UNC5D: variants seen among roughly 807,000 people sequenced by gnomAD.
UNC5D encodes unc-5 netrin receptor D.
A neutral mutation model predicts 105.4 loss-of-function variants in UNC5D; 39 were observed. The ratio of observed to expected loss-of-function variants is 0.37; its 90% CI spans 0.29 to 0.48. The LOEUF is 0.48. Ranked by LOEUF, UNC5D falls within the 20% of genes least tolerant of loss-of-function variation. The pLI, the probability that UNC5D is intolerant of heterozygous loss-of-function variation, is 0.98. For synonymous variants in UNC5D, 452 were observed against 450.4 expected, an observed-to-expected ratio of 1.00 and a Z score of -0.04; for missense variants, 991 against 1,202.4, an observed-to-expected ratio of 0.82 and a Z score of 2.60.
chr8:35,786,820 GGAGCGAGGTCAGCATGGTGGCCT>G (rs1802766463), intron 16 of UNC5D, among the ~76,000 whole-genome samples: 1 of 152,114 alleles, frequency 6.6e-6, no homozygotes, highest in Non-Finnish European at 1.5e-5. Context: ...AGACAGCAGA[GGAGCGAGGTCAGCATGGTGGCCT>G]GCAGGCCACA....
chr8:35,430,398 G>T (rs1398693095), intron 1 of UNC5D, among the ~76,000 whole-genome samples: 2 of 152,072 alleles, frequency 1.3e-5, no homozygotes, highest in African/African-American at 2.4e-5. Flanking sequence ...TGTACCCTTT[G>T]TAATATCCTT....
intron 1 of UNC5D, among the ~76,000 whole-genome samples, chr8:35,457,593 G>C (rs1037233901): frequency 6.6e-6 from 1 of 152,138 alleles, no homozygotes; most frequent in Non-Finnish European, 1.5e-5. Context: ...TTTGATGTGG[G>C]TGCTACCTGG....
intron 2 of UNC5D, among the ~76,000 whole-genome samples, chr8:35,559,598 T>G (rs1049926075): frequency 1.3e-5 from 2 of 152,182 alleles, no homozygotes; most frequent in African/African-American, 2.4e-5. Context: ...CGGGCTGGGG[T>G]TGGCATGGTA....
chr8:35,493,196 T>C (rs563469235), intron 1 of UNC5D, among the ~76,000 whole-genome samples: 119 of 148,634 alleles, frequency 8.0e-4, no homozygotes, highest in Admixed American at 1.7e-3. Flanking sequence ...CGGCATTCTC[T>C]GTACCCCAAC....
At chr8:35,602,172 T>G (rs906582580) in intron 4 of UNC5D, among the ~76,000 whole-genome samples, 4 of 152,186 alleles carry the variant, frequency 2.6e-5, no homozygotes, top group Non-Finnish European at 5.9e-5. Context: ...TGGATGAGCT[T>G]TTTGATGTGT....
intron 1 of UNC5D, among the ~76,000 whole-genome samples, chr8:35,535,408 A>G (rs1327454768): frequency 1.3e-5 from 2 of 151,844 alleles, no homozygotes; most frequent in Non-Finnish European, 2.9e-5. Context: ...CAGATATGTA[A>G]TAGGCTTTTT....
intron 1 of UNC5D, among the ~76,000 whole-genome samples, chr8:35,412,814 A>G (rs1805261202): frequency 6.6e-6 from 1 of 152,090 alleles, no homozygotes; most frequent in Non-Finnish European, 1.5e-5. Context: ...TTTATTGTGC[A>G]TAAGAGTTAG....
At position 35,318,898 on chromosome 8, in the gene UNC5D, T is replaced by C. The variant is rs190327300; in HGVS notation, c.103+83011T>C. ...CATTACGAGTGTCTTTAAGTGTATA[T>C]CCTAAAAATACAAAAAAATTAATAC... is the stretch of plus-strand genomic sequence containing the variant. On this transcript the variant is annotated intron_variant, in intron 1 of 16. Transcript: ENST00000404895. Among the ~76,000 whole-genome samples the C allele has an allele frequency of 4.2e-3, 641 of 152,152 alleles. 4 individuals carry two copies. Among genetic ancestry groups the C allele is most frequent in the African/African-American group, 0.015 (630 of 41,512 alleles).
chr8:35,315,367 G>A (rs1809208959), intron 1 of UNC5D, among the ~76,000 whole-genome samples: 1 of 152,128 alleles, frequency 6.6e-6, no homozygotes, highest in Non-Finnish European at 1.5e-5. Context: ...GCGCTCAGCT[G>A]TTCATCTGGG....
chr8:35,750,820 G>A lies in UNC5D; in HGVS notation c.2163+11G>A, dbSNP rs1292757191. On this transcript the variant is annotated intron_variant, in intron 13 of 16. Transcript: ENST00000404895. ...CCTTGTGCATTTCAGGTTAGCCTTTGTTTTAATAATTTTCTTTTGGTGTCA... is the reference window on the plus strand; with the variant it reads ...CCTTGTGCATTTCAGGTTAGCCTTTATTTTAATAATTTTCTTTTGGTGTCA... 1.8e-5 allele frequency: 29 copies of A among 1,613,028 alleles called. No homozygotes were observed. The highest frequency in any genetic ancestry group is 2.4e-5 in the Non-Finnish European group (28 of 1,179,126).
chr8:35,606,716 A>C (rs765528727), intron 4 of UNC5D, among the ~76,000 whole-genome samples: 1 of 152,252 alleles, frequency 6.6e-6, no homozygotes, highest in Admixed American at 6.5e-5. Flanking sequence ...AAGAGAGAAG[A>C]ATAAAGGATG....
rs1803204412 is a variant in UNC5D, at chr8:35,795,077, C to T, written c.*4514C>T. On this transcript the variant is annotated 3_prime_UTR_variant, in exon 17 of 17. Transcript: ENST00000404895. ...CATTTAAACTTCATGTCCTAGCACC[C>T]GCCCTCCATCTGACCCAAAGATAAA... is the stretch of plus-strand genomic sequence containing the variant. 1.3e-5 allele frequency: 2 copies of T among 152,082 alleles called. No individual in the cohort carries two copies. Among genetic ancestry groups the T allele is most frequent in the African/African-American group, 2.4e-5 (1 of 41,410 alleles). 9.4% of individuals were successfully genotyped at this position (152,082 alleles called of 1,614,324 possible). A position where few individuals can be genotyped will look rare whatever the true frequency, so the allele number is the denominator to read the frequency against.
At chr8:35,717,119 A>G (rs1828293749) in intron 8 of UNC5D, among the ~76,000 whole-genome samples, 1 of 152,156 alleles carries the variant, frequency 6.6e-6, no homozygotes, top group Non-Finnish European at 1.5e-5. Context: ...TCTTACATAT[A>G]TACCAGTTCA....
At position 35,400,774 on chromosome 8, in the gene UNC5D, C is replaced by T. The variant is rs1400971182; in HGVS notation, c.104-148518C>T. On this transcript the variant is annotated intron_variant, in intron 1 of 16. Coordinates refer to ENST00000404895, the MANE Select transcript of UNC5D (RefSeq NM_080872.4). Reference sequence around the variant, plus strand: ...GGCCGATTATAATCCTTCGTCACCCCTCTCATTCAGCTCCACTGGTGGGGA... The same window carrying T: ...GGCCGATTATAATCCTTCGTCACCCTTCTCATTCAGCTCCACTGGTGGGGA... 2.0e-5 allele frequency among the ~76,000 whole-genome samples: 3 copies of T among 152,174 alleles called. No individual in the cohort carries two copies. The East Asian group carries it at 5.8e-4, about 29-fold the overall frequency.
intron 1 of UNC5D, among the ~76,000 whole-genome samples, chr8:35,374,479 T>C (rs1306717131): frequency 6.6e-6 from 1 of 152,200 alleles, no homozygotes; most frequent in Non-Finnish European, 1.5e-5. Context: ...AGCTTTTGTT[T>C]ATGAAGAATA....
At chr8:35,453,157 A>C (rs1808279255) in intron 1 of UNC5D, among the ~76,000 whole-genome samples, 1 of 152,140 alleles carries the variant, frequency 6.6e-6, no homozygotes, top group Non-Finnish European at 1.5e-5. Flanking sequence ...TGAATGGCAT[A>C]AGGATTAATT....
intron 1 of UNC5D, among the ~76,000 whole-genome samples, chr8:35,389,479 A>C (rs560283915): frequency 1.6e-4 from 24 of 152,250 alleles, no homozygotes; most frequent in Admixed American, 1.2e-3. Context: ...TTTGTTTGGA[A>C]AACAATACCA....
At chr8:35,516,433 TCATTTGGTGGTGGTCCAC>T (rs1813096637) in intron 1 of UNC5D, among the ~76,000 whole-genome samples, 2 of 152,178 alleles carry the variant, frequency 1.3e-5, no homozygotes, top group Non-Finnish European at 1.5e-5. Context: ...ACCTGGCTTG[TCATTTGGTGGTGGTCCAC>T]CACTAGCACA....
chr8:35,749,479 G>A (rs2131637060), intron 12 of UNC5D, among the ~76,000 whole-genome samples: 1 of 152,242 alleles, frequency 6.6e-6, no homozygotes, highest in East Asian at 1.9e-4. Context: ...CCTCCCAGAA[G>A]GCACTTCAGG....
Sources: gnomAD v4.1 joint callset for allele counts (sites outside exome capture counted in the v4.1 genomes callset) on GRCh38, gnomAD v4.1.1 for gene constraint, MANE v1.5 for transcripts, NCBI Gene and HGNC (gene_info 2026-07-23, HGNC 2026-07-21) for gene names.